Variants in PGRMC1 observed in about 807,000 individuals in gnomAD.
PGRMC1 encodes membrane-associated progesterone receptor component 1.
For missense variants in PGRMC1, 145 were observed against 169.0 expected (o/e 0.86, Z 0.79); for synonymous variants, 73 against 77.3 (o/e 0.94, Z 0.29).
chrX:119,236,779 C>A, intron 1 of PGRMC1, 88 bp downstream of exon 1: 2 of 801,417 alleles, frequency 2.5e-6, no homozygotes, highest in Admixed American at 7.5e-5. Flanking sequence ...GGGAGCGGGG[C>A]GCCCCTGAGT....
chrX:119,240,893 T>A (rs1166020720), intron 2 of PGRMC1, among the ~76,000 whole-genome samples: 1 of 112,015 alleles, frequency 8.9e-6, no homozygotes, highest in Non-Finnish European at 1.9e-5. Flanking sequence ...AGCTTCTCTT[T>A]GAATCTAATT....
At chrX:119,241,749 G>C (rs2147231080) in intron 2 of PGRMC1, among the ~76,000 whole-genome samples, 1 of 111,889 alleles carries the variant, frequency 8.9e-6, no homozygotes, top group East Asian at 2.8e-4. Context: ...CACAAAAGCA[G>C]CTTTAGTTAC....
intron 2 of PGRMC1, among the ~76,000 whole-genome samples, chrX:119,241,499 T>C (rs1410289416): frequency 1.8e-5 from 2 of 112,458 alleles, no homozygotes; most frequent in African/African-American, 6.5e-5. Context: ...ATTAGTTTTC[T>C]ATATGAAACC....
intron 2 of PGRMC1, 51 bp from the exon 3 acceptor site, chrX:119,243,100 T>A: frequency 1.3e-6 from 1 of 753,759 alleles, no homozygotes. Context: ...GTGGTAATGA[T>A]GTTTTAGAAA....
chrX:119,238,396 T>A (rs1474091671), intron 1 of PGRMC1, among the ~76,000 whole-genome samples: 1 of 111,781 alleles, frequency 8.9e-6, no homozygotes, highest in Non-Finnish European at 1.9e-5. Context: ...GGCATGTAAC[T>A]GTCAAAATCA....
Position 119,236,576 on chromosome X carries a change from C to G in PGRMC1, c.213C>G (p.Arg71=). The stretch of plus-strand genomic sequence containing the variant: ...CCCCTCTGCCCCGCCTCAAGCGGCG[C>G]GACTTCACCCCCGCCGAGCTGCGGC... ...EPPPLPRLKR[R]DFTPAELRRF... Residue 71 remains arginine (R), a synonymous_variant, in exon 1 of 3, where the codon CGC becomes CGG. Coordinates refer to ENST00000217971, the MANE Select transcript of PGRMC1 (RefSeq NM_006667.5). The G allele has an allele frequency of 8.3e-7, 1 of 1,208,166 alleles. No individual in the cohort carries two copies. Among genetic ancestry groups the G allele is most frequent in the Non-Finnish European group, 1.1e-6 (1 of 893,572 alleles).
intron 1 of PGRMC1, among the ~76,000 whole-genome samples, chrX:119,238,730 C>T (rs1930753202): frequency 8.9e-6 from 1 of 112,021 alleles, no homozygotes; most frequent in South Asian, 3.7e-4. Flanking sequence ...ATTGTGAGAT[C>T]TCTGTCTCTA....
chrX:119,242,672 A>T (rs1397409320), intron 2 of PGRMC1, among the ~76,000 whole-genome samples: 1 of 111,283 alleles, frequency 9.0e-6, no homozygotes. Context: ...TCTCCTACTA[A>T]CTTCTAAATG....
chrX:119,240,908 C>T (rs1268413111), intron 2 of PGRMC1, among the ~76,000 whole-genome samples: 1 of 112,033 alleles, frequency 8.9e-6, no homozygotes, highest in African/African-American at 3.2e-5. Context: ...CTAATTGAAC[C>T]TAACTATAGG....
At position 119,236,386 on chromosome X, in the gene PGRMC1, C is replaced by T; in HGVS notation, c.23C>T (p.Ala8Val). The T allele has an allele frequency of 8.3e-7, 1 of 1,210,364 alleles. No individual in the cohort carries two copies. The change falls in exon 1 of 3, where the codon GCG (alanine) becomes GTG (valine). Residue 8 changes from alanine to valine, a missense_variant. By Grantham distance (64) the Ala-to-Val change is moderately conservative. Transcript: ENST00000217971. MAAEDVV[A>V]TGADPSDLES... is the part of the protein sequence containing the mutation. ...ATCATGGCTGCCGAGGATGTGGTGGCGACTGGCGCCGACCCAAGCGATCTG... is the reference window on the plus strand; with the variant it reads ...ATCATGGCTGCCGAGGATGTGGTGGTGACTGGCGCCGACCCAAGCGATCTG...
chrX:119,240,264 A>G (rs1168423029), intron 1 of PGRMC1, 45 bp from the exon 2 acceptor site: 1 of 1,169,307 alleles, frequency 8.6e-7, no homozygotes, highest in Non-Finnish European at 1.2e-6. Flanking sequence ...TCACAGAGAA[A>G]TTGACTGTCT....
Position 119,236,443 on chromosome X carries a change from C to T in PGRMC1, c.80C>T (p.Thr27Met). Residue 27 changes from threonine to methionine, a missense_variant, in exon 1 of 3, where the codon ACG becomes ATG. Coordinates refer to ENST00000217971, the MANE Select transcript of PGRMC1 (RefSeq NM_006667.5). Reference protein sequence around the residue: ...ESGGLLHEIFTSPLNLLLLGL... With the variant: ...ESGGLLHEIFMSPLNLLLLGL... The stretch of plus-strand genomic sequence containing the variant: ...GGCGGGCTGCTGCATGAGATTTTCA[C>T]GTCGCCGCTCAACCTGCTGCTGCTT... 8.3e-7 allele frequency: 1 copy of T among 1,210,412 alleles called. No homozygotes were observed. The highest frequency in any genetic ancestry group is 1.1e-6 in the Non-Finnish European group (1 of 894,501).
chrX:119,239,046 T>C (rs1930760799), intron 1 of PGRMC1, among the ~76,000 whole-genome samples: 1 of 112,320 alleles, frequency 8.9e-6, no homozygotes, highest in Non-Finnish European at 1.9e-5. Context: ...AAATATTCTA[T>C]GTTTAAATAT....
chrX:119,236,800 A>C, intron 1 of PGRMC1, 109 bp downstream of exon 1: 2 of 651,622 alleles, frequency 3.1e-6, no homozygotes, highest in Non-Finnish European at 4.5e-6. Flanking sequence ...GGAGGGAGGA[A>C]TGGCGGCGAG....
chrX:119,237,015 G>A (rs1322339550), intron 1 of PGRMC1, among the ~76,000 whole-genome samples: 1 of 111,799 alleles, frequency 8.9e-6, no homozygotes, highest in Non-Finnish European at 1.9e-5. Flanking sequence ...AAGGCGTTGA[G>A]GGGGGACACA....
chrX:119,236,612 C>A lies in PGRMC1; in HGVS notation c.249C>A (p.Gly83=). The part of the protein sequence containing the change: ...FTPAELRRFD[G]VQDPRILMAI... ...CCGCCGAGCTGCGGCGCTTCGACGG[C>A]GTCCAGGACCCGCGCATACTCATGG... The change falls in exon 1 of 3, where the codon GGC becomes GGA. Residue 83 remains glycine (G), a synonymous_variant. Transcript: ENST00000217971. The A allele has an allele frequency of 8.3e-7, 1 of 1,206,260 alleles. No homozygotes were observed.
In PGRMC1 at chrX:119,236,779, C is replaced by T. The variant is rs1383319797; in HGVS notation, c.328+88C>T. ...GGAGAGAGGCGAGGCGGGAGCGGGG[C>T]GCCCCTGAGTGGAGGGAGGAATGGC... On this transcript the variant is annotated intron_variant, in intron 1 of 2. Transcript: ENST00000217971. The T allele has an allele frequency of 5.0e-6, 4 of 800,225 alleles. No individual in the cohort carries two copies. The African/African-American group carries it at 6.4e-5, about 13-fold the overall frequency. The allele number at this position is 800,225 out of a possible 1,213,427, so 65.9% of individuals were successfully genotyped here.
In PGRMC1 at chrX:119,236,381, G is replaced by A. The variant is rs146454187; in HGVS notation, c.18G>A (p.Val6=). 8.5e-5 allele frequency: 103 copies of A among 1,209,074 alleles called. 1 individual carries two copies. The highest frequency in any genetic ancestry group is 8.0e-4 in the Admixed American group (37 of 46,007). ...CAGAGATCATGGCTGCCGAGGATGT[G>A]GTGGCGACTGGCGCCGACCCAAGCG... MAAED[V]VATGADPSDL... Residue 6 remains valine (V), a synonymous_variant, in exon 1 of 3, where the codon GTG becomes GTA. Transcript: ENST00000217971.
chrX:119,241,266 A>G (rs1182089576), intron 2 of PGRMC1, among the ~76,000 whole-genome samples: 1 of 112,369 alleles, frequency 8.9e-6, no homozygotes, highest in African/African-American at 3.2e-5. Flanking sequence ...TAAATATTAC[A>G]TGTTCTCTTG....
Sources: allele counts gnomAD v4.1 joint callset (sites outside exome capture counted in the v4.1 genomes callset), GRCh38; gene constraint gnomAD v4.1.1; transcripts MANE v1.5; gene names NCBI Gene and HGNC (gene_info 2026-07-23, HGNC 2026-07-21).